The following PDHX variants were observed in gnomAD, a reference collection of about 807,000 sequenced individuals.
PDHX encodes the protein pyruvate dehydrogenase protein X component, mitochondrial.
PDHX carries 33 observed loss-of-function variants against 55.3 expected under a neutral mutation model. The ratio of observed to expected loss-of-function variants is 0.60; its 90% CI spans 0.45 to 0.80. The LOEUF (loss-of-function observed/expected upper bound fraction) is 0.80. Ranked by LOEUF, PDHX falls within the 30% of genes least tolerant of loss-of-function variation. PDHX has a pLI of 0.00. For synonymous variants in PDHX, 226 were observed against 219.4 expected, an observed-to-expected ratio of 1.03 and a Z score of -0.27; for missense variants, 622 against 619.9, an observed-to-expected ratio of 1.00 and a Z score of -0.04.
intron 4 of PDHX, 81 bp from the exon 5 acceptor site, chr11:34,960,339 G>C: frequency 1.1e-6 from 1 of 882,550 alleles, no homozygotes; most frequent in Non-Finnish European, 1.9e-6. Context: ...TTAATTATTT[G>C]CGAAACTGTT....
At chr11:34,948,758 G>T (rs572428756) in intron 3 of PDHX, among the ~76,000 whole-genome samples, 1 of 151,784 alleles carries the variant, frequency 6.6e-6, no homozygotes, top group Non-Finnish European at 1.5e-5. Flanking sequence ...TTTGTAACTA[G>T]GAAAATATAA....
intron 8 of PDHX, among the ~76,000 whole-genome samples, chr11:34,984,311 A>G (rs756023168): frequency 6.6e-6 from 1 of 152,216 alleles, no homozygotes; most frequent in Non-Finnish European, 1.5e-5. Context: ...TTTCCCCACC[A>G]TGATATAAAG....
At chr11:34,959,180 A>G (rs1854966989) in intron 4 of PDHX, among the ~76,000 whole-genome samples, 2 of 151,918 alleles carry the variant, frequency 1.3e-5, no homozygotes, top group Admixed American at 1.3e-4. Flanking sequence ...GGTATCCTAT[A>G]TATATAATAA....
Position 34,979,633 on chromosome 11 carries a change from T to C in PDHX, c.1023+1451T>C, listed in dbSNP as rs549201064. ...CAGTATCTAATTATTCATATAACTT[T>C]TCTCTTTTGATGAAATATTTTGAAT... On this transcript the variant is annotated intron_variant, in intron 8 of 10. Transcript: ENST00000227868. Among the ~76,000 whole-genome samples, 5 of 152,298 alleles carry C rather than the reference T, an allele frequency of 3.3e-5. No homozygotes were observed. The South Asian group carries it at 1.0e-3, about 32-fold the overall frequency.
At chr11:34,941,939 ATG>A (rs1854497762) in intron 2 of PDHX, 1 of 153,318 alleles carries the variant, frequency 6.5e-6, no homozygotes, top group African/African-American at 2.4e-5. Context: ...CGCCACTGCC[ATG>A]GACCACGAGA....
At chr11:34,941,374 G>A (rs1854473785) in intron 2 of PDHX, among the ~76,000 whole-genome samples, 1 of 152,206 alleles carries the variant, frequency 6.6e-6, no homozygotes, top group Non-Finnish European at 1.5e-5. Flanking sequence ...GGAACTTCTT[G>A]AAGCAGTTCT....
At chr11:34,952,064 C>G (rs1223533944) in intron 3 of PDHX, among the ~76,000 whole-genome samples, 1 of 152,136 alleles carries the variant, frequency 6.6e-6, no homozygotes. Flanking sequence ...CTACAAACAC[C>G]TCTACACAAA....
At chr11:34,948,581 T>G (rs1320672586) in intron 3 of PDHX, among the ~76,000 whole-genome samples, 1 of 151,884 alleles carries the variant, frequency 6.6e-6, no homozygotes, top group Admixed American at 6.6e-5. Context: ...TCCTTTTTTT[T>G]TTTTTTTTAG....
chr11:34,918,662 A>C (rs1853803072), intron 1 of PDHX, among the ~76,000 whole-genome samples: 1 of 152,194 alleles, frequency 6.6e-6, no homozygotes, highest in Non-Finnish European at 1.5e-5. Context: ...CTGCTGCAAC[A>C]AATTACCAGA....
intron 7 of PDHX, among the ~76,000 whole-genome samples, chr11:34,972,035 A>G (rs564076432): frequency 6.6e-6 from 1 of 151,872 alleles, no homozygotes; most frequent in South Asian, 2.1e-4. Flanking sequence ...TCACCACATT[A>G]CCTTATTATA....
intron 10 of PDHX, among the ~76,000 whole-genome samples, chr11:34,994,363 G>A (rs559881869): frequency 1.3e-5 from 2 of 152,240 alleles, no homozygotes; most frequent in South Asian, 4.1e-4. Flanking sequence ...GTAAAACATG[G>A]TACACCTGTT....
At chr11:34,968,260 C>CA (rs36026065) in intron 6 of PDHX, among the ~76,000 whole-genome samples, 81,604 of 130,960 alleles carry the variant, frequency 0.62, 25,510 homozygotes, top group East Asian at 0.77. Flanking sequence ...GACCCTATCT[C>CA]AAAAAAAAAA....
upstream of PDHX, chr11:34,916,383 C>T (rs1853698490): frequency 6.4e-7 from 1 of 1,552,952 alleles, no homozygotes; most frequent in Non-Finnish European, 8.7e-7. Flanking sequence ...TGCAATCAGG[C>T]GGCGCTGAGG....
At chr11:34,959,528 A>G (rs1453731237) in intron 4 of PDHX, among the ~76,000 whole-genome samples, 1 of 151,858 alleles carries the variant, frequency 6.6e-6, no homozygotes, top group African/African-American at 2.4e-5. Context: ...ACTGTGGAAA[A>G]CAGTATGGCA....
At position 34,993,511 on chromosome 11, in the gene PDHX, G is replaced by A. The variant is rs1855799085; in HGVS notation, c.1247+1132G>A. 2.0e-5 allele frequency among the ~76,000 whole-genome samples: 3 copies of A among 151,718 alleles called. No individual in the cohort carries two copies. The South Asian group carries it at 6.3e-4, about 32-fold the overall frequency. ...TTCAAGTGCTCTTTTTTCCCCATAT[G>A]GATACTAAATTTACACAGCATCATG... On this transcript the variant is annotated intron_variant, in intron 10 of 10. Coordinates refer to ENST00000227868, the MANE Select transcript of PDHX (RefSeq NM_003477.3).
intron 9 of PDHX, among the ~76,000 whole-genome samples, chr11:34,990,023 G>A (rs1243569620): frequency 3.9e-5 from 6 of 152,126 alleles, no homozygotes; most frequent in East Asian, 1.9e-4. Context: ...TCTGTACTAC[G>A]CATTTACTTC....
At chr11:34,992,044 A>G (rs1322769916) in intron 9 of PDHX, among the ~76,000 whole-genome samples, 2 of 152,114 alleles carry the variant, frequency 1.3e-5, no homozygotes, top group African/African-American at 2.4e-5. Context: ...AGCATTTTGC[A>G]TAATAATTGA....
chr11:34,982,280 T>G (rs1417136175), intron 8 of PDHX, among the ~76,000 whole-genome samples: 1 of 152,216 alleles, frequency 6.6e-6, no homozygotes, highest in Admixed American at 6.5e-5. Context: ...ATTTCTTGTT[T>G]TTGTCAGGTT....
chr11:34,966,609 T>C, intron 5 of PDHX, 31 bp from the exon 6 acceptor site: 1 of 1,608,214 alleles, frequency 6.2e-7, no homozygotes, highest in Non-Finnish European at 8.5e-7. Context: ...TTATTGCTAA[T>C]TATGGTTATC....
Sources: allele counts gnomAD v4.1 joint callset (sites outside exome capture counted in the v4.1 genomes callset), GRCh38; gene constraint gnomAD v4.1.1; transcripts MANE v1.5; gene names NCBI Gene and HGNC (gene_info 2026-07-23, HGNC 2026-07-21).